Variants in CTNNA3 observed in about 807,000 individuals in gnomAD.
CTNNA3 encodes catenin alpha 3, also known as catenin alpha-3.
A neutral mutation model predicts 95.7 loss-of-function variants in CTNNA3; 76 were observed. The ratio of observed to expected loss-of-function variants is 0.79; its 90% CI spans 0.66 to 0.96. CTNNA3 has a LOEUF of 0.96. Ranked by LOEUF, CTNNA3 falls within the 40% of genes least tolerant of loss-of-function variation. The pLI is 0.00. For missense variants in CTNNA3, 1,191 were observed against 1,089.8 expected (o/e 1.09, Z -1.31); for synonymous variants, 431 against 374.4 (o/e 1.15, Z -1.74).
At position 66,500,236 on chromosome 10, in the gene CTNNA3, A is replaced by T. The variant is rs190086427; in HGVS notation, c.1531+20381T>A. On this transcript the variant is annotated intron_variant, in intron 11 of 17. Transcript: ENST00000433211. ...AAACCAAAAAAAATTGATACTAGCA[A>T]ATTATAAATTTATTTAGTGAAATAG... Among the ~76,000 whole-genome samples the T allele has an allele frequency of 7.9e-4, 121 of 152,326 alleles. 1 individual carries two copies. Among genetic ancestry groups the T allele is most frequent in the African/African-American group, 2.9e-3 (120 of 41,578 alleles).
intron 9 of CTNNA3, among the ~76,000 whole-genome samples, chr10:66,705,629 A>G (rs1444712968): frequency 6.6e-6 from 1 of 152,040 alleles, no homozygotes; most frequent in Non-Finnish European, 1.5e-5. Flanking sequence ...TGACATCTCT[A>G]AATATAATTG....
chr10:67,210,244 T>C (rs1864085391), intron 6 of CTNNA3, among the ~76,000 whole-genome samples: 3 of 152,052 alleles, frequency 2.0e-5, no homozygotes, highest in African/African-American at 7.2e-5. Flanking sequence ...GAGGCAGAGA[T>C]TGCAGTGAGC....
intron 10 of CTNNA3, 103 bp downstream of exon 10, chr10:66,621,589 C>G (rs1329836689): frequency 3.2e-6 from 2 of 622,422 alleles, no homozygotes; most frequent in African/African-American, 4.4e-5. Flanking sequence ...GAGACCTGGT[C>G]TCAAAAAAAA....
chr10:67,725,179 CT>C (rs578185088), intron 1 of CTNNA3, among the ~76,000 whole-genome samples: 19,224 of 143,192 alleles, frequency 0.13, 1,868 homozygotes, highest in African/African-American at 0.29. Context: ...ATTAATTTAC[CT>C]TTTTTTTTTT....
chr10:66,597,543 T>A (rs1384691411), intron 10 of CTNNA3, among the ~76,000 whole-genome samples: 3 of 130,258 alleles, frequency 2.3e-5, no homozygotes, highest in African/African-American at 8.8e-5. Context: ...TATATATATA[T>A]ATATATATAT....
intron 9 of CTNNA3, among the ~76,000 whole-genome samples, chr10:66,651,071 C>A (rs942248445): frequency 6.6e-6 from 1 of 152,112 alleles, no homozygotes; most frequent in African/African-American, 2.4e-5. Flanking sequence ...TTTAGCTAGA[C>A]ACAAAAGTTC....
intron 5 of CTNNA3, among the ~76,000 whole-genome samples, chr10:67,503,692 G>T (rs1839304360): frequency 6.6e-6 from 1 of 151,888 alleles, no homozygotes; most frequent in Non-Finnish European, 1.5e-5. Flanking sequence ...TAAAATGTAG[G>T]GTGATAACAT....
chr10:67,640,536 T>C (rs1229808186), intron 2 of CTNNA3, among the ~76,000 whole-genome samples: 4 of 151,746 alleles, frequency 2.6e-5, no homozygotes, highest in South Asian at 2.1e-4. Context: ...AAAAAGAGCC[T>C]GCATTGCCAA....
chr10:67,574,632 G>C (rs1842085811), intron 3 of CTNNA3, among the ~76,000 whole-genome samples: 1 of 145,998 alleles, frequency 6.8e-6, no homozygotes, highest in Admixed American at 6.9e-5. Context: ...CCAGGCTGGA[G>C]TGCAGTGGTG....
chr10:66,475,660 G>T (rs150680771), intron 11 of CTNNA3, among the ~76,000 whole-genome samples: 1 of 152,150 alleles, frequency 6.6e-6, no homozygotes, highest in East Asian at 1.9e-4. Flanking sequence ...AAACTACAAT[G>T]AGATATCGTC....
chr10:67,384,396 G>A (rs1844065643), intron 5 of CTNNA3, among the ~76,000 whole-genome samples: 1 of 152,108 alleles, frequency 6.6e-6, no homozygotes, highest in African/African-American at 2.4e-5. Context: ...TTAAAAATAT[G>A]TGACCTAATA....
intron 1 of CTNNA3, among the ~76,000 whole-genome samples, chr10:67,763,345 T>C (rs552852200): frequency 2.6e-5 from 4 of 152,192 alleles, no homozygotes; most frequent in African/African-American, 7.2e-5. Context: ...AATATTCTGC[T>C]CTCTTCCACA....
At chr10:67,183,492 G>C (rs1862674922) in intron 6 of CTNNA3, among the ~76,000 whole-genome samples, 1 of 150,920 alleles carries the variant, frequency 6.6e-6, no homozygotes, top group African/African-American at 2.4e-5. Flanking sequence ...TGAACAATGA[G>C]AACACATGGA....
Position 65,913,061 on chromosome 10 carries a change from C to T in CTNNA3, c.*7269G>A, listed in dbSNP as rs2076964931. ...GTTCCCAAGATATTGCTGCAATAAA[C>T]ATGACTATTATGAATTGGTTACTTT... On this transcript the variant is annotated 3_prime_UTR_variant, in exon 18 of 18. Coordinates refer to ENST00000433211, the MANE Select transcript of CTNNA3 (RefSeq NM_013266.4). The T allele has an allele frequency of 6.6e-6, 1 of 152,146 alleles. No individual in the cohort carries two copies. Among genetic ancestry groups the T allele is most frequent in the Non-Finnish European group, 1.5e-5 (1 of 67,996 alleles). 9.4% of individuals were successfully genotyped at this position (152,146 alleles called of 1,614,324 possible).
chr10:66,223,008 G>C (rs2089054092), intron 13 of CTNNA3, among the ~76,000 whole-genome samples: 1 of 151,814 alleles, frequency 6.6e-6, no homozygotes, highest in African/African-American at 2.4e-5. Flanking sequence ...AGATATTTGG[G>C]TTTCAAAGTT....
chr10:66,596,079 G>A (rs1438092463), intron 10 of CTNNA3, among the ~76,000 whole-genome samples: 1 of 151,942 alleles, frequency 6.6e-6, no homozygotes, highest in Non-Finnish European at 1.5e-5. Flanking sequence ...TCCTTCCAAG[G>A]AGACCCACTT....
intron 1 of CTNNA3, among the ~76,000 whole-genome samples, chr10:67,702,021 G>A (rs1181185435): frequency 6.6e-6 from 1 of 152,090 alleles, no homozygotes; most frequent in Admixed American, 6.6e-5. Flanking sequence ...GATCAAAAGA[G>A]ACAAAGAAGG....
chr10:67,262,802 A>C (rs1163827635), intron 5 of CTNNA3, among the ~76,000 whole-genome samples: 2 of 152,214 alleles, frequency 1.3e-5, no homozygotes, highest in African/African-American at 4.8e-5. Flanking sequence ...GCAAAGAAAT[A>C]ATGTTAAAAA....
intron 7 of CTNNA3, among the ~76,000 whole-genome samples, chr10:66,979,750 A>T (rs1850301290): frequency 6.6e-6 from 1 of 152,222 alleles, no homozygotes; most frequent in African/African-American, 2.4e-5. Flanking sequence ...AATCTACTTT[A>T]TCACTATCAT....
Sources: allele counts gnomAD v4.1 joint callset (sites outside exome capture counted in the v4.1 genomes callset), GRCh38; gene constraint gnomAD v4.1.1; transcripts MANE v1.5; gene names NCBI Gene and HGNC (gene_info 2026-07-23, HGNC 2026-07-21).